The following NFIB variants were observed in gnomAD, a reference collection of about 807,000 sequenced individuals.
NFIB encodes nuclear factor I B, also known as nuclear factor 1 B-type.
NFIB carries 11 observed loss-of-function variants against 61.5 expected under a neutral mutation model. The observed-to-expected ratio is 0.18, with a 90% confidence interval of 0.11 to 0.30. NFIB has a LOEUF of 0.30. NFIB is among the 10% of genes least tolerant of loss of function. NFIB has a pLI of 1.00. For synonymous variants in NFIB, 260 were observed against 216.5 expected (o/e 1.20, Z -1.76); for missense variants, 471 against 608.9 (o/e 0.77, Z 2.38).
At chr9:14,296,931 TTAAG>T (rs2059479477) in intron 2 of NFIB, among the ~76,000 whole-genome samples, 1 of 152,256 alleles carries the variant, frequency 6.6e-6, no homozygotes, top group Admixed American at 6.5e-5. Flanking sequence ...GCCATCTTTC[TTAAG>T]TAATTCCTGC....
At chr9:14,456,208 C>CTT in the NFIB span, among the ~76,000 whole-genome samples, 1 of 91,716 alleles carries the variant, frequency 1.1e-5, no homozygotes, top group Non-Finnish European at 2.4e-5. Flanking sequence ...AACTACTTGG[C>CTT]ATTTTTTTTT....
At chr9:14,478,815 T>C in the NFIB span, among the ~76,000 whole-genome samples, 15 of 152,274 alleles carry the variant, frequency 9.9e-5, no homozygotes, top group East Asian at 2.5e-3. Context: ...CTATGAGTGA[T>C]TGCTGCAGGA....
At chr9:14,239,688 C>T (rs1367141358) in intron 2 of NFIB, among the ~76,000 whole-genome samples, 4 of 152,080 alleles carry the variant, frequency 2.6e-5, no homozygotes, top group Admixed American at 2.0e-4. Context: ...TGAGGCATAA[C>T]CACAAGAACC....
the NFIB span, among the ~76,000 whole-genome samples, chr9:14,527,578 G>A: frequency 6.6e-6 from 1 of 152,170 alleles, no homozygotes; most frequent in Non-Finnish European, 1.5e-5. Flanking sequence ...ATAACACTGT[G>A]ACATGGGTTT....
the NFIB span, among the ~76,000 whole-genome samples, chr9:14,418,749 A>G: frequency 6.6e-6 from 1 of 152,194 alleles, no homozygotes; most frequent in Non-Finnish European, 1.5e-5. Flanking sequence ...ATTACATTCA[A>G]TGTGCCTGGC....
chr9:14,362,379 G>A (rs750106672), intron 1 of NFIB: 1 of 152,124 alleles, frequency 6.6e-6, no homozygotes, highest in Non-Finnish European at 1.5e-5. Flanking sequence ...TCAAGAACTG[G>A]GTGTCTGCCA....
At chr9:14,414,033 C>G in the NFIB span, among the ~76,000 whole-genome samples, 9 of 152,224 alleles carry the variant, frequency 5.9e-5, no homozygotes, top group African/African-American at 1.4e-4. Context: ...CTACTCAGCA[C>G]TTATTGTAAT....
At chr9:14,450,043 A>C in the NFIB span, among the ~76,000 whole-genome samples, 1 of 152,154 alleles carries the variant, frequency 6.6e-6, no homozygotes, top group Non-Finnish European at 1.5e-5. Flanking sequence ...CTAGGTATAC[A>C]TGTGCCATGT....
chr9:14,156,356 C>G (rs1388656635), intron 3 of NFIB, among the ~76,000 whole-genome samples: 1 of 152,212 alleles, frequency 6.6e-6, no homozygotes, highest in East Asian at 1.9e-4. Flanking sequence ...GAAAAGTGAA[C>G]TGCTGTTACC....
chr9:14,371,289 T>C (rs549898591), intron 1 of NFIB, among the ~76,000 whole-genome samples: 49 of 152,364 alleles, frequency 3.2e-4, no homozygotes, highest in African/African-American at 1.1e-3. Flanking sequence ...TTTTATGTTG[T>C]AGGAGAAAAC....
At chr9:14,491,782 T>C in the NFIB span, among the ~76,000 whole-genome samples, 7 of 152,188 alleles carry the variant, frequency 4.6e-5, no homozygotes, top group African/African-American at 1.7e-4. Context: ...AACGATGAGA[T>C]GTGGCTTCTA....
rs1187172809 is a variant in NFIB, at chr9:14,236,879, GC to G, written c.563-57100del. 2.0e-5 allele frequency among the ~76,000 whole-genome samples: 3 copies of G among 151,418 alleles called. No individual in the cohort carries two copies. In the East Asian group the frequency reaches 5.8e-4, roughly 29 times the overall value. ...AAAAAAAAAATAAAAACACAAAAAA[GC>G]CACTATTTGGTGTTGTGTTCCAAGT... On this transcript the variant is annotated intron_variant, in intron 2 of 10. Transcript: ENST00000380953.
At chr9:14,518,663 GA>G in the NFIB span, among the ~76,000 whole-genome samples, 28 of 146,918 alleles carry the variant, frequency 1.9e-4, no homozygotes, top group East Asian at 3.0e-3. Context: ...AGAAACTCAA[GA>G]AAAAAAAAAG....
At chr9:14,194,812 A>G (rs2048307309) in intron 2 of NFIB, among the ~76,000 whole-genome samples, 1 of 152,154 alleles carries the variant, frequency 6.6e-6, no homozygotes, top group African/African-American at 2.4e-5. Flanking sequence ...AATGTATTTG[A>G]AGGTCTGTTT....
At chr9:14,330,315 C>CTAA (rs1393633397) in intron 1 of NFIB, among the ~76,000 whole-genome samples, 1 of 152,100 alleles carries the variant, frequency 6.6e-6, no homozygotes, top group African/African-American at 2.4e-5. Context: ...TGATCATGTG[C>CTAA]TAAGACCCTA....
At chr9:14,482,161 G>A in the NFIB span, among the ~76,000 whole-genome samples, 1 of 140,726 alleles carries the variant, frequency 7.1e-6, no homozygotes, top group African/African-American at 2.6e-5. Context: ...TTTGGTCACT[G>A]AGCTAACAAA....
intron 10 of NFIB, among the ~76,000 whole-genome samples, chr9:14,111,642 C>T (rs1490675520): frequency 6.6e-6 from 1 of 152,008 alleles, no homozygotes; most frequent in Admixed American, 6.6e-5. Flanking sequence ...GTAATTATAA[C>T]TCATTTCGTG....
chr9:14,176,908 A>G (rs999869878), intron 3 of NFIB, among the ~76,000 whole-genome samples: 8 of 152,168 alleles, frequency 5.3e-5, no homozygotes, highest in Non-Finnish European at 7.3e-5. Context: ...CAAAGAGCCT[A>G]TATCTCCAAA....
the NFIB span, among the ~76,000 whole-genome samples, chr9:14,503,544 G>A: frequency 9.9e-5 from 15 of 151,976 alleles, no homozygotes; most frequent in African/African-American, 2.9e-4. Context: ...AGATGGTATC[G>A]CATTATGGTT....
Sources: allele counts gnomAD v4.1 joint callset (sites outside exome capture counted in the v4.1 genomes callset), GRCh38; gene constraint gnomAD v4.1.1; transcripts MANE v1.5; gene names NCBI Gene and HGNC (gene_info 2026-07-23, HGNC 2026-07-21).